The following ST18 variants were observed in gnomAD, a reference collection of about 807,000 sequenced individuals.
ST18 encodes the protein suppression of tumorigenicity 18 protein.
ST18 carries 50 observed loss-of-function variants against 110.0 expected under a neutral mutation model. The observed-to-expected ratio is 0.45, with a 90% CI of 0.36 to 0.58. ST18 has a LOEUF of 0.58. Ranked by LOEUF, ST18 falls within the 20% of genes least tolerant of loss-of-function variation. ST18 has a pLI of 0.00. For missense variants in ST18, 1,306 were observed against 1,280.1 expected, an observed-to-expected ratio of 1.02 and a Z score of -0.31; for synonymous variants, 461 against 452.4, an observed-to-expected ratio of 1.02 and a Z score of -0.24.
At chr8:52,150,094 T>C (rs1439194940) in intron 15 of ST18, 117 bp from the exon 16 acceptor site, 2 of 1,365,130 alleles carry the variant, frequency 1.5e-6, no homozygotes, top group Non-Finnish European at 9.9e-7. Context: ...TATCTGCTTT[T>C]AAATCTAGCT....
At chr8:52,187,413 T>G (rs1380595001) in intron 8 of ST18, among the ~76,000 whole-genome samples, 2 of 152,214 alleles carry the variant, frequency 1.3e-5, no homozygotes, top group African/African-American at 4.8e-5. Flanking sequence ...TACCTACAAT[T>G]ATTTAATACT....
At chr8:52,365,172 C>T (rs1408186201) in intron 2 of ST18, among the ~76,000 whole-genome samples, 7 of 151,362 alleles carry the variant, frequency 4.6e-5, no homozygotes, top group Non-Finnish European at 1.0e-4. Context: ...TGCACAAAAA[C>T]ATGATGATGG....
At chr8:52,278,479 C>T (rs896217078) in intron 2 of ST18, among the ~76,000 whole-genome samples, 26 of 152,180 alleles carry the variant, frequency 1.7e-4, no homozygotes, top group African/African-American at 6.3e-4. Flanking sequence ...GGTTTTAGCT[C>T]ACTCTGCAAA....
intron 8 of ST18, among the ~76,000 whole-genome samples, chr8:52,211,377 AATT>A (rs3054637): frequency 0.1 from 14,113 of 138,344 alleles, 781 homozygotes; most frequent in African/African-American, 0.15. Flanking sequence ...GGAATCATCT[AATT>A]ATTATTATTA....
chr8:52,223,851 C>A (rs540747233), intron 3 of ST18, among the ~76,000 whole-genome samples: 59 of 152,124 alleles, frequency 3.9e-4, no homozygotes, highest in Non-Finnish European at 7.9e-4. Flanking sequence ...ACCAAGGGAA[C>A]CAGACCATTC....
At position 52,171,886 on chromosome 8, in the gene ST18, T is replaced by C. The variant is rs1399736262; in HGVS notation, c.975A>G (p.Lys325=). ...ERGCVFHNTY[K]ELDRFLLEHL... ...GCTCCAGCAGGAACCTATCCAGCTC[T>C]TTGTAGGTGTTATGGAAAACACAAC... The change falls in exon 10 of 26, where the codon AAA becomes AAG. Residue 325 remains lysine (K), a synonymous_variant. Coordinates refer to ENST00000689386, the MANE Select transcript of ST18 (RefSeq NM_001352837.2). 1 of 1,614,136 alleles carries C rather than the reference T, an allele frequency of 6.2e-7. No individual in the cohort carries two copies. Among genetic ancestry groups the C allele is most frequent in the Non-Finnish European group, 8.5e-7 (1 of 1,180,044 alleles).
At chr8:52,150,679 T>G (rs1013759714) in intron 15 of ST18, 1 of 152,268 alleles carries the variant, frequency 6.6e-6, no homozygotes, top group Admixed American at 6.5e-5. Flanking sequence ...TGAAGCCCTA[T>G]AGTGCAAACT....
chr8:52,375,968 A>G (rs534815124), intron 2 of ST18, among the ~76,000 whole-genome samples: 1 of 152,190 alleles, frequency 6.6e-6, no homozygotes, highest in East Asian at 1.9e-4. Context: ...CCCATCTTCA[A>G]TCTTTCAGGA....
intron 2 of ST18, among the ~76,000 whole-genome samples, chr8:52,318,564 A>G (rs912836932): frequency 2.0e-5 from 3 of 152,232 alleles, no homozygotes; most frequent in Non-Finnish European, 2.9e-5. Context: ...CCAAATGAAT[A>G]TAAATTGTTC....
chr8:52,143,140 T>C, intron 16 of ST18, 95 bp from the exon 17 acceptor site: 1 of 785,942 alleles, frequency 1.3e-6, no homozygotes, highest in Non-Finnish European at 2.1e-6. Flanking sequence ...AGGTTTGAGT[T>C]TTGGCTTTGG....
Position 52,138,093 on chromosome 8 carries a change from C to CAA in ST18, c.2169-612_2169-611dup, listed in dbSNP as rs35928892. ...GGGCAACAAGAGTAAAACTCTGTCT[C>CAA]AAAAAAAAAAAAAAAAAAGAAAAGA... On this transcript the variant is annotated intron_variant, in intron 17 of 25. Transcript: ENST00000689386. Among the ~76,000 whole-genome samples the CAA allele has an allele frequency of 6.5e-3, 387 of 59,532 alleles. 1 individual carries two copies. The highest frequency in any genetic ancestry group is 0.018 in the African/African-American group (357 of 20,202). 39.1% of individuals were successfully genotyped at this position (59,532 alleles called of 152,430 possible).
At position 52,257,095 on chromosome 8, in the gene ST18, A is replaced by G. The variant is rs139586597; in HGVS notation, c.-464-27018T>C. Among the ~76,000 whole-genome samples, 507 of 152,262 alleles carry G rather than the reference A, an allele frequency of 3.3e-3. 5 individuals are homozygous for G. The highest frequency in any genetic ancestry group is 0.011 in the African/African-American group (475 of 41,548). On this transcript the variant is annotated intron_variant, in intron 2 of 25. Transcript: ENST00000689386. ...ATTACTGGCCTCTTTCACTTACCAC[A>G]ATACTTTCAAGGTTTATCCACATTG...
At chr8:52,275,906 G>A (rs748570676) in intron 2 of ST18, among the ~76,000 whole-genome samples, 12 of 150,804 alleles carry the variant, frequency 8.0e-5, no homozygotes, top group Non-Finnish European at 1.2e-4. Context: ...AATGTGAGAA[G>A]CACTTCTTTA....
chr8:52,134,576 C>A (rs2051172092), intron 19 of ST18, among the ~76,000 whole-genome samples: 1 of 151,200 alleles, frequency 6.6e-6, no homozygotes, highest in African/African-American at 2.5e-5. Context: ...TATATTCAAG[C>A]CTGAGTCAGA....
At chr8:52,324,885 A>T (rs1805584440) in intron 2 of ST18, among the ~76,000 whole-genome samples, 1 of 152,234 alleles carries the variant, frequency 6.6e-6, no homozygotes, top group South Asian at 2.1e-4. Context: ...AGCTGGACTT[A>T]ATGCCCGGAC....
chr8:52,205,109 A>C (rs917296738), intron 8 of ST18, among the ~76,000 whole-genome samples: 1 of 151,090 alleles, frequency 6.6e-6, no homozygotes, highest in Admixed American at 6.6e-5. Flanking sequence ...ACACACACAC[A>C]CACACACTAT....
chr8:52,328,436 T>C (rs1217786237), intron 2 of ST18, among the ~76,000 whole-genome samples: 1 of 152,222 alleles, frequency 6.6e-6, no homozygotes, highest in African/African-American at 2.4e-5. Flanking sequence ...ATGATGGTGA[T>C]AATAATAATA....
At chr8:52,125,874 C>T (rs965723715) in intron 23 of ST18, 178 bp downstream of exon 23, 4 of 558,092 alleles carry the variant, frequency 7.2e-6, no homozygotes, top group African/African-American at 5.7e-5. Flanking sequence ...ATAAGGAAAA[C>T]ACCAAAAAAT....
chr8:52,252,349 G>C (rs958925476), intron 2 of ST18, among the ~76,000 whole-genome samples: 1 of 151,964 alleles, frequency 6.6e-6, no homozygotes, highest in Non-Finnish European at 1.5e-5. Context: ...CAACTATTCA[G>C]AGTATGTATG....
Sources: allele counts gnomAD v4.1 joint callset (sites outside exome capture counted in the v4.1 genomes callset), GRCh38; gene constraint gnomAD v4.1.1; transcripts MANE v1.5; gene names NCBI Gene and HGNC (gene_info 2026-07-23, HGNC 2026-07-21).